Variants in CEP70 observed in about 807,000 individuals in gnomAD.
CEP70 encodes centrosomal protein 70, also known as centrosomal protein of 70 kDa.
A neutral mutation model predicts 90.9 loss-of-function variants in CEP70; 70 were observed. The observed-to-expected ratio is 0.77, with a 90% CI of 0.64 to 0.94. The LOEUF is 0.94. Ranked by LOEUF, CEP70 falls within the 40% of genes least tolerant of loss-of-function variation. CEP70 has a pLI of 0.00. For synonymous variants in CEP70, 220 were observed against 228.3 expected (o/e 0.96, Z 0.33); for missense variants, 648 against 669.0 (o/e 0.97, Z 0.35).
intron 11 of CEP70, among the ~76,000 whole-genome samples, chr3:138,523,323 G>T (rs2036869938): frequency 2.0e-5 from 3 of 152,180 alleles, no homozygotes; most frequent in Non-Finnish European, 4.4e-5. Context: ...ACAAGACAGG[G>T]ATGCCCTCTC....
At chr3:138,514,074 T>A (rs2035781977) in intron 11 of CEP70, among the ~76,000 whole-genome samples, 1 of 152,210 alleles carries the variant, frequency 6.6e-6, no homozygotes, top group African/African-American at 2.4e-5. Context: ...CTTTACTCTC[T>A]TTAAGATGTA....
At chr3:138,551,394 T>A (rs978189648) in intron 6 of CEP70, among the ~76,000 whole-genome samples, 2 of 151,924 alleles carry the variant, frequency 1.3e-5, no homozygotes, top group African/African-American at 2.4e-5. Flanking sequence ...TGAAAACACA[T>A]CAAAACAGAA....
chr3:138,564,930 T>C (rs986417233), intron 6 of CEP70, among the ~76,000 whole-genome samples: 5 of 152,184 alleles, frequency 3.3e-5, no homozygotes, highest in Admixed American at 6.5e-5. Context: ...GATGACATGA[T>C]TGTATATTTA....
intron 2 of CEP70, among the ~76,000 whole-genome samples, chr3:138,589,590 G>A (rs573682566): frequency 1.3e-5 from 2 of 152,062 alleles, no homozygotes; most frequent in East Asian, 3.9e-4. Flanking sequence ...CCCAGGAGGT[G>A]GAGGCTGCAG....
intron 17 of CEP70, among the ~76,000 whole-genome samples, chr3:138,495,359 A>G (rs913099051): frequency 6.6e-6 from 1 of 152,212 alleles, no homozygotes; most frequent in Admixed American, 6.5e-5. Flanking sequence ...AACAGATCCA[A>G]CTGCCCACAT....
chr3:138,552,761 A>C (rs1447542589), intron 6 of CEP70, among the ~76,000 whole-genome samples: 1 of 152,172 alleles, frequency 6.6e-6, no homozygotes, highest in East Asian at 1.9e-4. Context: ...GTCACACCTC[A>C]AGGAACTAGA....
intron 6 of CEP70, among the ~76,000 whole-genome samples, chr3:138,553,838 C>A (rs2039801938): frequency 6.6e-6 from 1 of 152,056 alleles, no homozygotes. Context: ...AAATGTGATA[C>A]ACCATATAAA....
chr3:138,540,480 T>TAA (rs35741273), intron 6 of CEP70, among the ~76,000 whole-genome samples: 21 of 123,654 alleles, frequency 1.7e-4, no homozygotes, highest in Admixed American at 7.8e-4. Context: ...CAAGACTATG[T>TAA]AAAAAAAAAA....
chr3:138,521,813 T>C (rs939044573), intron 11 of CEP70, among the ~76,000 whole-genome samples: 3 of 152,194 alleles, frequency 2.0e-5, no homozygotes, highest in Non-Finnish European at 2.9e-5. Context: ...GAACAAGCCA[T>C]GATGACGATG....
In CEP70 at chr3:138,505,445, T is replaced by C; in HGVS notation, c.1071A>G (p.Ser357=). 6.2e-7 allele frequency: 1 copy of C among 1,605,340 alleles called. No individual in the cohort carries two copies. Among genetic ancestry groups the C allele is most frequent in the South Asian group, 1.1e-5 (1 of 89,366 alleles). Residue 357 remains serine (S), a synonymous_variant, in exon 13 of 18, where the codon TCA becomes TCG. Coordinates refer to ENST00000264982, the MANE Select transcript of CEP70 (RefSeq NM_024491.4). Reference sequence around the variant, plus strand: ...CTGGAGCTCTTGGATTGTGGATAATTGAATTGATGCTACACAGCACCTTTA... The same window carrying C: ...CTGGAGCTCTTGGATTGTGGATAATCGAATTGATGCTACACAGCACCTTTA... The part of the protein sequence containing the change: ...RYFQVLCSIN[S]IIHNPRAPVI...
At position 138,500,870 on chromosome 3, in the gene CEP70, C is replaced by G. The variant is rs759896369; in HGVS notation, c.1233G>C (p.Lys411Asn). The change falls in exon 14 of 18, where the codon AAG (lysine) becomes AAC (asparagine). Residue 411 changes from lysine to asparagine, a missense_variant. Physicochemically the swap from Lys to Asn is moderately conservative, Grantham distance 94. Coordinates refer to ENST00000264982, the MANE Select transcript of CEP70 (RefSeq NM_024491.4). ...GTTCTGCAGATAGTGTTTTCAAGGA[C>G]TTATACAAATCCTTTATAACAAAAG... is the stretch of plus-strand genomic sequence containing the variant. ...DQLTSLKDLYKSLKTLSAELV... is the reference protein window; with the variant it reads ...DQLTSLKDLYNSLKTLSAELV... The G allele has an allele frequency of 6.4e-7, 1 of 1,552,730 alleles. No homozygotes were observed. The highest frequency in any genetic ancestry group is 8.7e-7 in the Non-Finnish European group (1 of 1,147,102).
intron 6 of CEP70, among the ~76,000 whole-genome samples, chr3:138,544,094 A>C (rs922472892): frequency 6.6e-6 from 1 of 152,112 alleles, no homozygotes; most frequent in Admixed American, 6.5e-5. Flanking sequence ...TTCAAGACCA[A>C]CCTGGCCGAC....
chr3:138,573,570 C>T (rs971600314), intron 2 of CEP70, among the ~76,000 whole-genome samples: 2 of 152,078 alleles, frequency 1.3e-5, no homozygotes, highest in Non-Finnish European at 2.9e-5. Context: ...GTGTTCATTG[C>T]ATCTGCTCTG....
intron 6 of CEP70, among the ~76,000 whole-genome samples, chr3:138,548,314 G>A (rs545970847): frequency 3.3e-5 from 5 of 152,208 alleles, no homozygotes; most frequent in African/African-American, 1.2e-4. Flanking sequence ...AAACACTCCT[G>A]GGGAAACTTT....
At chr3:138,519,684 A>G (rs901796530) in intron 11 of CEP70, among the ~76,000 whole-genome samples, 1 of 152,332 alleles carries the variant, frequency 6.6e-6, no homozygotes, top group South Asian at 2.1e-4. Flanking sequence ...TGAAGGAAGC[A>G]ATAAACATGG....
chr3:138,516,941 C>A (rs1413413927), intron 11 of CEP70, among the ~76,000 whole-genome samples: 1 of 152,184 alleles, frequency 6.6e-6, no homozygotes, highest in Non-Finnish European at 1.5e-5. Context: ...TCAGAAAACA[C>A]AATCACTGAG....
chr3:138,560,160 C>T (rs1009479902), intron 6 of CEP70, among the ~76,000 whole-genome samples: 7 of 152,168 alleles, frequency 4.6e-5, no homozygotes, highest in Admixed American at 4.6e-4. Flanking sequence ...AACTGAGGTA[C>T]CGTGTTCATC....
At chr3:138,539,371 T>A (rs1560365841) in intron 6 of CEP70, among the ~76,000 whole-genome samples, 1 of 152,190 alleles carries the variant, frequency 6.6e-6, no homozygotes. Context: ...TAATCATTGC[T>A]TCTTCCTAAT....
chr3:138,551,356 A>C (rs1443789836), intron 6 of CEP70, among the ~76,000 whole-genome samples: 2 of 152,234 alleles, frequency 1.3e-5, no homozygotes, highest in South Asian at 2.1e-4. Context: ...AGAACTACTA[A>C]AAGAGCTCTA....
Sources: allele counts gnomAD v4.1 joint callset (sites outside exome capture counted in the v4.1 genomes callset), GRCh38; gene constraint gnomAD v4.1.1; transcripts MANE v1.5; gene names NCBI Gene and HGNC (gene_info 2026-07-23, HGNC 2026-07-21).